The following XRCC4 variants were observed in gnomAD, a reference collection of about 807,000 sequenced individuals.
XRCC4 encodes the protein DNA repair protein XRCC4.
XRCC4 carries 28 observed loss-of-function variants against 39.1 expected under a neutral mutation model. That is an observed-to-expected ratio of 0.72 (90% CI 0.53 to 0.98). The LOEUF (loss-of-function observed/expected upper bound fraction) is 0.98. Ranked by LOEUF, XRCC4 falls within the 50% of genes least tolerant of loss-of-function variation. XRCC4 has a pLI of 0.00. For missense variants in XRCC4, 350 were observed against 376.4 expected, an observed-to-expected ratio of 0.93 and a Z score of 0.58; for synonymous variants, 123 against 126.4, an observed-to-expected ratio of 0.97 and a Z score of 0.18.
chr5:83,210,361 A>T (rs1751594135), intron 6 of XRCC4, among the ~76,000 whole-genome samples: 1 of 152,180 alleles, frequency 6.6e-6, no homozygotes, highest in South Asian at 2.1e-4. Context: ...ATTTCCTAGC[A>T]ATAGTGGGCT....
intron 7 of XRCC4, among the ~76,000 whole-genome samples, chr5:83,312,747 T>G (rs758480985): frequency 6.6e-6 from 1 of 151,906 alleles, no homozygotes; most frequent in Admixed American, 6.6e-5. Context: ...GAGGCAGGAG[T>G]GAATGTGTTC....
intron 7 of XRCC4, among the ~76,000 whole-genome samples, chr5:83,325,342 G>A (rs1216699973): frequency 6.6e-6 from 1 of 151,810 alleles, no homozygotes; most frequent in Non-Finnish European, 1.5e-5. Context: ...ACATGTGCAG[G>A]ACATGCAGGT....
At chr5:83,354,415 T>C (rs539135876), downstream of XRCC4, among the ~76,000 whole-genome samples, 3 of 152,234 alleles carry the variant, frequency 2.0e-5, no homozygotes, top group Admixed American at 6.5e-5. Context: ...GCCATCTATA[T>C]GTTAATATCT....
At chr5:83,146,701 T>C (rs1748471508) in intron 3 of XRCC4, among the ~76,000 whole-genome samples, 1 of 152,182 alleles carries the variant, frequency 6.6e-6, no homozygotes, top group Admixed American at 6.5e-5. Flanking sequence ...ACTTCTACTT[T>C]TACTATACCT....
chr5:83,366,087 A>C, the XRCC4 span, among the ~76,000 whole-genome samples: 2 of 152,182 alleles, frequency 1.3e-5, no homozygotes, highest in African/African-American at 4.8e-5. Flanking sequence ...TCCCTTTTTA[A>C]CAGCCCCATT....
intron 1 of XRCC4, among the ~76,000 whole-genome samples, chr5:83,104,357 T>A (rs1746093656): frequency 6.6e-6 from 1 of 152,236 alleles, no homozygotes; most frequent in African/African-American, 2.4e-5. Flanking sequence ...ATTTCAGTAG[T>A]GAGATCAGTT....
chr5:83,329,587 G>T (rs984349162), intron 7 of XRCC4, among the ~76,000 whole-genome samples: 4 of 152,046 alleles, frequency 2.6e-5, no homozygotes, highest in African/African-American at 9.7e-5. Context: ...CAGTAGAAAA[G>T]CATGGTAACC....
At chr5:83,154,293 G>A (rs1031094100) in intron 3 of XRCC4, among the ~76,000 whole-genome samples, 2 of 152,146 alleles carry the variant, frequency 1.3e-5, no homozygotes, top group African/African-American at 4.8e-5. Context: ...AAAAAAGGTT[G>A]TATTGCCAGT....
intron 3 of XRCC4, among the ~76,000 whole-genome samples, chr5:83,118,741 C>T (rs1196070387): frequency 6.6e-6 from 1 of 152,138 alleles, no homozygotes; most frequent in African/African-American, 2.4e-5. Context: ...GTTTTCATTA[C>T]TGTGTAAAAA....
chr5:83,285,703 G>A (rs1378056904), intron 7 of XRCC4, among the ~76,000 whole-genome samples: 1 of 152,078 alleles, frequency 6.6e-6, no homozygotes, highest in Non-Finnish European at 1.5e-5. Context: ...ATCGGTCAAG[G>A]GGGGGTTGTT....
Position 83,315,364 on chromosome 5 carries a change from A to G in XRCC4, c.894-37767A>G, listed in dbSNP as rs1755844249. Among the ~76,000 whole-genome samples the G allele has an allele frequency of 2.0e-5, 3 of 152,254 alleles. No individual in the cohort carries two copies. In the South Asian group the frequency reaches 6.2e-4, roughly 32 times the overall value. ...ATGCAAGGTGAAGCAATGAGTGCCA[A>G]TGGAAAAACTACAGCCAGTTATCCT... On this transcript the variant is annotated intron_variant, in intron 7 of 7. Coordinates refer to ENST00000396027, the MANE Select transcript of XRCC4 (RefSeq NM_003401.5).
intron 7 of XRCC4, among the ~76,000 whole-genome samples, chr5:83,297,186 C>T (rs966064464): frequency 2.6e-5 from 4 of 151,810 alleles, no homozygotes; most frequent in African/African-American, 4.8e-5. Context: ...TGGAATTATA[C>T]TAAAAGTGTT....
rs191545424 is a variant in XRCC4, at chr5:83,110,298, C to T, written c.140-730C>T. On this transcript the variant is annotated intron_variant, in intron 2 of 7. Coordinates refer to ENST00000396027, the MANE Select transcript of XRCC4 (RefSeq NM_003401.5). ...CAGAAATGAAAGAGATCTTAAAATA[C>T]GTTTATTTAAATATTTAAAAGAAGG... Among the ~76,000 whole-genome samples, 33 of 151,848 alleles carry T rather than the reference C, an allele frequency of 2.2e-4. 1 individual carries two copies. The highest frequency in any genetic ancestry group is 4.2e-4 in the South Asian group (2 of 4,814).
chr5:83,151,300 G>T (rs1748691462), intron 3 of XRCC4, among the ~76,000 whole-genome samples: 1 of 152,074 alleles, frequency 6.6e-6, no homozygotes, highest in South Asian at 2.1e-4. Context: ...ACAACTAGAG[G>T]AAATAAGATG....
chr5:83,255,420 T>C (rs1359216297), intron 6 of XRCC4, among the ~76,000 whole-genome samples: 2 of 152,190 alleles, frequency 1.3e-5, no homozygotes, highest in Admixed American at 6.5e-5. Context: ...CAGCTAGCCC[T>C]TTTTCTTCAT....
chr5:83,145,005 C>T (rs1182681872), intron 3 of XRCC4, among the ~76,000 whole-genome samples: 3 of 152,112 alleles, frequency 2.0e-5, no homozygotes, highest in Non-Finnish European at 1.5e-5. Context: ...ATGCCATTCT[C>T]CTGCCTCAGC....
intron 1 of XRCC4, among the ~76,000 whole-genome samples, chr5:83,086,401 A>G (rs1197419115): frequency 6.6e-6 from 1 of 152,356 alleles, no homozygotes; most frequent in Non-Finnish European, 1.5e-5. Flanking sequence ...TGTTATATGC[A>G]TTATGTACTG....
intron 6 of XRCC4, among the ~76,000 whole-genome samples, chr5:83,220,239 A>G (rs1752028860): frequency 1.3e-5 from 2 of 152,174 alleles, no homozygotes. Context: ...AGACGTGTTC[A>G]TTGTCCCTGT....
intron 6 of XRCC4, among the ~76,000 whole-genome samples, chr5:83,239,984 C>G (rs1214696520): frequency 6.6e-6 from 1 of 151,640 alleles, no homozygotes; most frequent in Non-Finnish European, 1.5e-5. Flanking sequence ...ATAGTGAGAC[C>G]CTGGCTCTAC....
Sources: allele counts gnomAD v4.1 joint callset (sites outside exome capture counted in the v4.1 genomes callset), GRCh38; gene constraint gnomAD v4.1.1; transcripts MANE v1.5; gene names NCBI Gene and HGNC (gene_info 2026-07-23, HGNC 2026-07-21).